Variants in TUBGCP6 observed in about 807,000 individuals in gnomAD.
The protein encoded by TUBGCP6 is tubulin gamma complex component 6, also known as gamma-tubulin complex component 6.
In TUBGCP6, 161 loss-of-function variants were observed where a neutral mutation model predicts 175.8. That is an observed-to-expected ratio of 0.92 (90% CI 0.81 to 1.04). The LOEUF (loss-of-function observed/expected upper bound fraction) is 1.04. Ranked by LOEUF, TUBGCP6 falls within the 50% of genes least tolerant of loss-of-function variation. The pLI is 0.00. For missense variants in TUBGCP6, 2,572 were observed against 2,433.0 expected (o/e 1.06, Z -1.20); for synonymous variants, 1,173 against 1,030.5 (o/e 1.14, Z -2.65).
In TUBGCP6 at chr22:50,233,318, G is replaced by T; in HGVS notation, c.1114C>A (p.Gln372Lys). The stretch of plus-strand genomic sequence containing the variant: ...GGCGGGGAGTGAGCAGTTCTCACCT[G>T]GCAGAGCGAAAACGTGGCAGACACG... ...GVVSATFSLC[Q>K]PAQAFVVKRG... The change falls in exon 3 of 25, where the codon CAG becomes AAG. Residue 372 changes from glutamine (Q) to lysine (K), a missense_variant and splice_region_variant. Transcript: ENST00000248846. 1 of 1,612,190 alleles carries T rather than the reference G, an allele frequency of 6.2e-7. No individual in the cohort carries two copies. Among genetic ancestry groups the T allele is most frequent in the Non-Finnish European group, 8.5e-7 (1 of 1,179,102 alleles).
At chr22:50,233,671 A>G (rs1246186003) in intron 2 of TUBGCP6, 145 bp from the exon 3 acceptor site, 3 of 797,394 alleles carry the variant, frequency 3.8e-6, no homozygotes, top group Non-Finnish European at 6.0e-6. Context: ...CCAGGTATGA[A>G]TGTCAGCTCA....
intron 3 of TUBGCP6, among the ~76,000 whole-genome samples, chr22:50,231,081 CA>C (rs35669469): frequency 0.038 from 867 of 22,848 alleles, 3 homozygotes; most frequent in East Asian, 0.14. Flanking sequence ...GACTCTATCT[CA>C]AAAAAAAAAA....
At position 50,222,466 on chromosome 22, in the gene TUBGCP6, C is replaced by G. The variant is rs766699498; in HGVS notation, c.2397G>C (p.Glu799Asp). The change falls in exon 14 of 25, where the codon GAG (glutamate) becomes GAC (aspartate). Residue 799 changes from glutamate (E) to aspartate (D), a missense_variant. By Grantham distance (45) the Glu-to-Asp change is conservative. Coordinates refer to ENST00000248846, the MANE Select transcript of TUBGCP6 (RefSeq NM_020461.4). ...SARLRFLLEDEKHIQEMLKAV... is the reference protein window; with the variant it reads ...SARLRFLLEDDKHIQEMLKAV... The stretch of plus-strand genomic sequence containing the variant: ...GCCGCAGACATACCTGAATGTGTTT[C>G]TCATCTTCTAAGAGAAAACGAAGCC... The G allele has an allele frequency of 6.2e-6, 10 of 1,613,798 alleles. No homozygotes were observed. The East Asian group carries it at 1.6e-4, about 25-fold the overall frequency.
intron 2 of TUBGCP6, among the ~76,000 whole-genome samples, chr22:50,236,591 G>A (rs5771257): frequency 6.6e-6 from 1 of 152,082 alleles, no homozygotes; most frequent in Non-Finnish European, 1.5e-5. Flanking sequence ...TCCTCCCTGC[G>A]AAAACAATCA....
In TUBGCP6 at chr22:50,218,006, C is replaced by T; in HGVS notation, c.5280G>A (p.Gly1760=). 4 of 1,612,308 alleles carry T rather than the reference C, an allele frequency of 2.5e-6. No individual in the cohort carries two copies. The highest frequency in any genetic ancestry group is 3.4e-6 in the Non-Finnish European group (4 of 1,179,402). ...QLISQAWGPP[G]GPRGAEHPNF... ...TGGGGTGCTCTGCACCCCGCGGGCC[C>T]CCAGGGGGCCCCCAGGCCTGGGAGA... The change falls in exon 24 of 25, where the codon GGG becomes GGA. Residue 1760 remains glycine, a synonymous_variant. Transcript: ENST00000248846.
chr22:50,223,139 G>A (rs1027178650), intron 13 of TUBGCP6: 3 of 156,616 alleles, frequency 1.9e-5, no homozygotes, highest in African/African-American at 7.2e-5. Flanking sequence ...GAGACGTAGT[G>A]TCTAGGCCTG....
At chr22:50,225,114 T>C (rs923432658) in intron 10 of TUBGCP6, among the ~76,000 whole-genome samples, 1 of 127,972 alleles carries the variant, frequency 7.8e-6, no homozygotes, top group African/African-American at 2.9e-5. Flanking sequence ...TTCCAGGCCA[T>C]GGACGGGAGC....
chr22:50,228,481 G>A (rs575240046), intron 4 of TUBGCP6, among the ~76,000 whole-genome samples: 143 of 152,312 alleles, frequency 9.4e-4, no homozygotes, highest in African/African-American at 3.2e-3. Flanking sequence ...AGTGGCACCA[G>A]CATCCTGGGC....
Position 50,226,130 on chromosome 22 carries a change from G to T in TUBGCP6, c.1753C>A (p.Pro585Thr). The T allele has an allele frequency of 6.2e-7, 1 of 1,614,166 alleles. No individual in the cohort carries two copies. The highest frequency in any genetic ancestry group is 8.5e-7 in the Non-Finnish European group (1 of 1,180,038). Reference protein sequence around the residue: ...LISKEVEDCVPVFLKHIAHDI... With the variant: ...LISKEVEDCVTVFLKHIAHDI... The stretch of plus-strand genomic sequence containing the variant: ...TGGGCAATGTGCTTCAGAAACACGG[G>T]AACACAGTCCTCCACCTCTTTGGAG... Residue 585 changes from proline to threonine, a missense_variant, in exon 9 of 25, where the codon CCC (proline) becomes ACC (threonine). Pro to Thr is a conservative substitution (Grantham distance 38). Coordinates refer to ENST00000248846, the MANE Select transcript of TUBGCP6 (RefSeq NM_020461.4).
chr22:50,234,821 CT>C (rs1231766676), intron 2 of TUBGCP6, among the ~76,000 whole-genome samples: 1 of 144,470 alleles, frequency 6.9e-6, no homozygotes, highest in Non-Finnish European at 1.5e-5. Context: ...TCCACACCCC[CT>C]GTCCACGACA....
rs143934743 is a variant in TUBGCP6 at position 50,219,209 on chromosome 22, G to A, written c.4485C>T (p.His1495=). The change falls in exon 20 of 25, where the codon CAC becomes CAT. Residue 1495 remains histidine, a splice_region_variant and synonymous_variant. Transcript: ENST00000248846. ...KRSITAPLAA[H]ISLVNKAAVD... is the part of the protein sequence containing the mutation. Reference sequence around the variant, plus strand: ...CAGCGGCCTTGTTCACCAAGGAGATGCTGGCAGGAGGGAGCTGGAGTCAGG... The same window carrying A: ...CAGCGGCCTTGTTCACCAAGGAGATACTGGCAGGAGGGAGCTGGAGTCAGG... The A allele has an allele frequency of 1.1e-5, 17 of 1,611,054 alleles. No individual in the cohort carries two copies. The African/African-American group carries it at 2.1e-4, about 20-fold the overall frequency.
At chr22:50,219,012 C>G in intron 20 of TUBGCP6, 56 bp downstream of exon 20, 1 of 1,604,338 alleles carries the variant, frequency 6.2e-7, no homozygotes, top group Non-Finnish European at 8.5e-7. Context: ...CAGCCAGTCT[C>G]TCTTTTCCCA....
At chr22:50,227,120 G>A (rs761029415) in intron 5 of TUBGCP6, 43 bp from the exon 6 acceptor site, 1 of 1,560,700 alleles carries the variant, frequency 6.4e-7, no homozygotes, top group Non-Finnish European at 8.7e-7. Context: ...CGGGCTCAGG[G>A]TTCCCAGGCC....
intron 12 of TUBGCP6, 37 bp downstream of exon 12, chr22:50,224,295 T>G: frequency 6.2e-7 from 1 of 1,614,204 alleles, no homozygotes; most frequent in Non-Finnish European, 8.5e-7. Flanking sequence ...AAATCAGAAC[T>G]GACAGGCGTG....
In TUBGCP6 at chr22:50,218,232, T is replaced by A. The variant is rs1555906493; in HGVS notation, c.5125A>T (p.Ile1709Phe). The part of the protein sequence containing the change: ...RLATVGDLEE[I>F]QRAHAEYLHK... ...AGGTACTCTGCGTGCGCACGCTGGA[T>A]CTCCTCCAGGTCGCCCACGGTGGCC... Residue 1709 changes from isoleucine (I) to phenylalanine (F), a missense_variant, in exon 23 of 25, where the codon ATC becomes TTC. By Grantham distance (21) the Ile-to-Phe change is conservative. Coordinates refer to ENST00000248846, the MANE Select transcript of TUBGCP6 (RefSeq NM_020461.4). 1 of 1,612,838 alleles carries A rather than the reference T, an allele frequency of 6.2e-7. No homozygotes were observed. The highest frequency in any genetic ancestry group is 1.1e-5 in the South Asian group (1 of 91,076).
intron 4 of TUBGCP6, among the ~76,000 whole-genome samples, chr22:50,229,051 G>A (rs189918269): frequency 6.6e-6 from 1 of 152,122 alleles, no homozygotes; most frequent in African/African-American, 2.4e-5. Flanking sequence ...CAACAGGAGG[G>A]CCCTGCGCTG....
At chr22:50,224,679 G>A (rs746247476) in intron 10 of TUBGCP6, 87 bp from the exon 11 acceptor site, 1 of 1,324,456 alleles carries the variant, frequency 7.6e-7, no homozygotes, top group South Asian at 1.2e-5. Flanking sequence ...GGCCGAGGTG[G>A]GTAGATCACA....
At chr22:50,237,188 T>C (rs2064787753) in intron 2 of TUBGCP6, among the ~76,000 whole-genome samples, 1 of 152,082 alleles carries the variant, frequency 6.6e-6, no homozygotes, top group African/African-American at 2.4e-5. Context: ...AGTCGGACAA[T>C]GGTGGTTCTC....
chr22:50,224,014 G>A (rs903212396), intron 13 of TUBGCP6, 127 bp downstream of exon 13: 16 of 808,528 alleles, frequency 2.0e-5, no homozygotes, highest in Non-Finnish European at 3.0e-5. Context: ...CAGCATATTG[G>A]TCTTTCTACC....
Sources: gnomAD v4.1 joint callset for allele counts (sites outside exome capture counted in the v4.1 genomes callset) on GRCh38, gnomAD v4.1.1 for gene constraint, MANE v1.5 for transcripts, NCBI Gene and HGNC (gene_info 2026-07-23, HGNC 2026-07-21) for gene names.